Variants in TLL2 observed in about 807,000 individuals in gnomAD.
TLL2 encodes the protein tolloid like 2.
A neutral mutation model predicts 123.0 loss-of-function variants in TLL2; 106 were observed. That is an observed-to-expected ratio of 0.86 (90% confidence interval 0.74 to 1.01). The LOEUF (loss-of-function observed/expected upper bound fraction) is 1.01. TLL2 is among the 50% of genes least tolerant of loss of function. The pLI is 0.00. For synonymous variants in TLL2, 494 were observed against 516.8 expected (o/e 0.96, Z 0.60); for missense variants, 1,332 against 1,336.7 (o/e 1.00, Z 0.06).
At chr10:96,421,177 G>A in intron 6 of TLL2, 116 bp from the exon 7 acceptor site, 1 of 726,150 alleles carries the variant, frequency 1.4e-6, no homozygotes. Flanking sequence ...GGCCCAATCA[G>A]TCAAATAACA....
intron 1 of TLL2, among the ~76,000 whole-genome samples, chr10:96,504,773 G>A (rs1017510001): frequency 2.0e-5 from 3 of 152,188 alleles, no homozygotes; most frequent in Non-Finnish European, 1.5e-5. Context: ...TTGGGAGGCC[G>A]AAGTGAGCAG....
chr10:96,384,257 A>T (rs1214417749), intron 16 of TLL2, among the ~76,000 whole-genome samples: 1 of 152,212 alleles, frequency 6.6e-6, no homozygotes, highest in East Asian at 1.9e-4. Flanking sequence ...AGAGGCAGGG[A>T]GGGATTCTAC....
Position 96,395,418 on chromosome 10 carries a change from T to C in TLL2, c.1531-36A>G, listed in dbSNP as rs754023280. The stretch of plus-strand genomic sequence containing the variant: ...AAACAGAGGCAAGGTGGATGGCAGA[T>C]GGTTCTGCTTTAAGGTTTTTGATTT... On this transcript the variant is annotated intron_variant, in intron 12 of 20. Transcript: ENST00000357947. The C allele has an allele frequency of 4.6e-6, 7 of 1,528,530 alleles. No individual in the cohort carries two copies. The Admixed American group carries it at 8.6e-5, about 19-fold the overall frequency. The allele number at this position is 1,528,530 out of a possible 1,614,324, so 94.7% of individuals were successfully genotyped here.
chr10:96,427,062 C>T (rs984580425), intron 5 of TLL2, among the ~76,000 whole-genome samples: 3 of 152,288 alleles, frequency 2.0e-5, no homozygotes, highest in Admixed American at 6.5e-5. Context: ...ATAGGGCTTT[C>T]ATTACCTAGA....
chr10:96,407,561 C>T (rs1004190477), intron 9 of TLL2, among the ~76,000 whole-genome samples: 6 of 152,166 alleles, frequency 3.9e-5, no homozygotes, highest in East Asian at 3.8e-4. Flanking sequence ...CATAGGCACT[C>T]GATAAATAGC....
At chr10:96,368,258 A>G (rs1367769141) in intron 20 of TLL2, 36 bp from the exon 21 acceptor site, 2 of 1,607,526 alleles carry the variant, frequency 1.2e-6, no homozygotes, top group Admixed American at 1.7e-5. Context: ...GAAGGACTTT[A>G]GCTGTGATTG....
intron 16 of TLL2, among the ~76,000 whole-genome samples, chr10:96,383,433 G>A (rs1353755580): frequency 1.3e-5 from 2 of 152,040 alleles, no homozygotes; most frequent in African/African-American, 4.8e-5. Flanking sequence ...CCCCCATACT[G>A]TTCTTGTGGT....
At chr10:96,419,983 A>C (rs75435737) in intron 7 of TLL2, among the ~76,000 whole-genome samples, 2,003 of 152,312 alleles carry the variant, frequency 0.013, 46 homozygotes, top group African/African-American at 0.046. Context: ...AACTCTGAGC[A>C]CTAAACTTAT....
At chr10:96,433,317 G>A (rs1176671389) in intron 3 of TLL2, among the ~76,000 whole-genome samples, 1 of 152,020 alleles carries the variant, frequency 6.6e-6, no homozygotes, top group Non-Finnish European at 1.5e-5. Flanking sequence ...GAACAAACTG[G>A]GTCAATCTCT....
At chr10:96,379,177 TC>T (rs1846164721) in intron 16 of TLL2, 85 bp from the exon 17 acceptor site, 1 of 1,540,828 alleles carries the variant, frequency 6.5e-7, no homozygotes, top group Non-Finnish European at 8.8e-7. Flanking sequence ...AAAAGTGGCC[TC>T]CTCTGGGAAG....
intron 1 of TLL2, among the ~76,000 whole-genome samples, chr10:96,500,104 A>T (rs1285405515): frequency 1.3e-4 from 8 of 59,270 alleles, no homozygotes; most frequent in African/African-American, 2.0e-4. Context: ...AACATGATTT[A>T]AAAAAAAAAA....
intron 2 of TLL2, among the ~76,000 whole-genome samples, chr10:96,476,395 G>T (rs1048885508): frequency 2.0e-5 from 3 of 150,298 alleles, no homozygotes; most frequent in Non-Finnish European, 4.4e-5. Context: ...AAAGTAGCTG[G>T]GACTATAGGC....
intron 1 of TLL2, among the ~76,000 whole-genome samples, chr10:96,484,630 C>CAA (rs1554940442): frequency 2.1e-5 from 3 of 144,408 alleles, no homozygotes; most frequent in African/African-American, 7.6e-5. Context: ...CACACACACA[C>CAA]CATGGCTTTC....
Position 96,450,403 on chromosome 10 carries a change from G to A in TLL2, c.287-4235C>T, listed in dbSNP as rs529624472. On this transcript the variant is annotated intron_variant, in intron 2 of 20. Coordinates refer to ENST00000357947, the MANE Select transcript of TLL2 (RefSeq NM_012465.4). ...CTGGCGTCTGGGTCCCACCCCCGCC[G>A]GAGGTTCTTATTTAATTGGTCTGGG... is the stretch of plus-strand genomic sequence containing the variant. 1.2e-4 allele frequency among the ~76,000 whole-genome samples: 19 copies of A among 152,230 alleles called. No homozygotes were observed. In the South Asian group the frequency reaches 3.3e-3, roughly 27 times the overall value.
chr10:96,439,711 A>G (rs540658694), intron 3 of TLL2, among the ~76,000 whole-genome samples: 1 of 152,246 alleles, frequency 6.6e-6, no homozygotes, highest in Admixed American at 6.5e-5. Context: ...CTAGTTGGTC[A>G]TATTTCCAGA....
chr10:96,476,248 T>TTTTTTTTTTTTTTTTTTTTTTTGTTGTTG (rs1285354320), intron 2 of TLL2, among the ~76,000 whole-genome samples: 1 of 69,230 alleles, frequency 1.4e-5, no homozygotes, highest in South Asian at 4.8e-4. Context: ...ATATTTTATT[T>TTTTTTTTTTTTTTTTTTTTTTTGTTGTTG]TTGTTGTTGT....
At chr10:96,493,023 A>G (rs1847430766) in intron 1 of TLL2, among the ~76,000 whole-genome samples, 1 of 152,056 alleles carries the variant, frequency 6.6e-6, no homozygotes. Flanking sequence ...ATTTCTTCCA[A>G]ATCTGGTGTT....
intron 1 of TLL2, among the ~76,000 whole-genome samples, chr10:96,495,141 C>A (rs936559823): frequency 1.3e-5 from 2 of 152,098 alleles, no homozygotes; most frequent in Non-Finnish European, 2.9e-5. Flanking sequence ...CATAGATGTT[C>A]CATAAGATAG....
chr10:96,440,098 T>C (rs1846836573), intron 3 of TLL2, among the ~76,000 whole-genome samples: 1 of 152,226 alleles, frequency 6.6e-6, no homozygotes, highest in African/African-American at 2.4e-5. Context: ...CATTGTCCTA[T>C]TCAGCTTACT....
Sources: allele counts gnomAD v4.1 joint callset (sites outside exome capture counted in the v4.1 genomes callset), GRCh38; gene constraint gnomAD v4.1.1; transcripts MANE v1.5; gene names NCBI Gene and HGNC (gene_info 2026-07-23, HGNC 2026-07-21).